Variants in RBFOX1 observed in about 807,000 individuals in gnomAD.
The protein encoded by RBFOX1 is RNA binding protein fox-1 homolog 1.
Under a neutral mutation model 57.7 loss-of-function variants are expected in RBFOX1, and 8 were observed. The ratio of observed to expected loss-of-function variants is 0.14; its 90% confidence interval spans 0.08 to 0.25. RBFOX1 has a LOEUF of 0.25. Among genes scored for constraint, RBFOX1 ranks in the 10% least tolerant of loss-of-function variants. RBFOX1 has a pLI of 1.00. For synonymous variants in RBFOX1, 326 were observed against 222.4 expected (o/e 1.47, Z -4.15); for missense variants, 611 against 548.5 (o/e 1.11, Z -1.14).
At chr16:7,565,004 A>G (rs12445659) in intron 5 of RBFOX1, among the ~76,000 whole-genome samples, 22,257 of 152,124 alleles carry the variant, frequency 0.15, 1,834 homozygotes, top group South Asian at 0.25. Flanking sequence ...CATTAACTAC[A>G]TCCAAAGCTG....
intron 4 of RBFOX1, among the ~76,000 whole-genome samples, chr16:7,178,301 G>A (rs182016407): frequency 5.3e-4 from 81 of 152,238 alleles, no homozygotes; most frequent in Non-Finnish European, 1.1e-3. Context: ...CTTGATTGAC[G>A]TCACTGAGAA....
Position 7,101,914 on chromosome 16 carries a change from C to T in RBFOX1, c.27+49816C>T, listed in dbSNP as rs183236046. 1.3e-4 allele frequency among the ~76,000 whole-genome samples: 20 copies of T among 152,164 alleles called. No individual in the cohort carries two copies. In the South Asian group the frequency reaches 2.1e-3, roughly 16 times the overall value. Reference sequence around the variant, plus strand: ...CCAAAGCATGGAGACCAGGTGTTTACGAGGATTGAAGCATAGTTGGTGCTC... The same window carrying T: ...CCAAAGCATGGAGACCAGGTGTTTATGAGGATTGAAGCATAGTTGGTGCTC... On this transcript the variant is annotated intron_variant, in intron 4 of 15. Coordinates refer to ENST00000550418, the MANE Select transcript of RBFOX1 (RefSeq NM_018723.4).
intron 3 of RBFOX1, among the ~76,000 whole-genome samples, chr16:6,978,355 A>T (rs971825876): frequency 1.5e-4 from 23 of 152,312 alleles, no homozygotes; most frequent in African/African-American, 5.3e-4. Context: ...TGGTCTTTAT[A>T]ATTAGATCTA....
At chr16:7,699,908 G>A (rs1369661232) in intron 14 of RBFOX1, among the ~76,000 whole-genome samples, 2 of 152,210 alleles carry the variant, frequency 1.3e-5, no homozygotes, top group East Asian at 3.9e-4. Flanking sequence ...TGGAGGTGGG[G>A]GATGTTCACC....
intron 3 of RBFOX1, among the ~76,000 whole-genome samples, chr16:7,037,718 A>G (rs778964751): frequency 6.6e-6 from 1 of 152,196 alleles, no homozygotes; most frequent in Non-Finnish European, 1.5e-5. Context: ...AGACCCAGGC[A>G]AGGAATTTGT....
At chr16:6,367,470 C>A (rs946786438) in intron 2 of RBFOX1, among the ~76,000 whole-genome samples, 1 of 152,056 alleles carries the variant, frequency 6.6e-6, no homozygotes, top group Non-Finnish European at 1.5e-5. Context: ...CAGGGTTTCA[C>A]TATATTGGTC....
chr16:6,722,122 T>C (rs2066128511), intron 3 of RBFOX1, among the ~76,000 whole-genome samples: 1 of 152,222 alleles, frequency 6.6e-6, no homozygotes, highest in African/African-American at 2.4e-5. Context: ...GTTGCACAGA[T>C]ATCTCTCTGG....
intron 4 of RBFOX1, among the ~76,000 whole-genome samples, chr16:7,454,707 C>G (rs1016245324): frequency 6.6e-6 from 1 of 152,186 alleles, no homozygotes; most frequent in South Asian, 2.1e-4. Context: ...GAGTTTTTAT[C>G]TAAGCCAAGA....
intron 2 of RBFOX1, among the ~76,000 whole-genome samples, chr16:6,482,342 A>T (rs2095383882): frequency 6.6e-6 from 1 of 152,224 alleles, no homozygotes; most frequent in African/African-American, 2.4e-5. Context: ...AAAAAGAACA[A>T]ATTAGTTTTT....
At chr16:7,358,087 A>C (rs1454792921) in intron 4 of RBFOX1, among the ~76,000 whole-genome samples, 1 of 152,248 alleles carries the variant, frequency 6.6e-6, no homozygotes, top group South Asian at 2.1e-4. Flanking sequence ...GATCTTCGAT[A>C]GGTAATTTAC....
chr16:6,300,498 A>AAAG (rs1462338899), intron 1 of RBFOX1, among the ~76,000 whole-genome samples: 1 of 152,180 alleles, frequency 6.6e-6, no homozygotes, highest in Non-Finnish European at 1.5e-5. Flanking sequence ...CCTACCTCAC[A>AAAG]AAGTTATTAG....
intron 4 of RBFOX1, among the ~76,000 whole-genome samples, chr16:7,434,398 G>A (rs2098705984): frequency 6.6e-6 from 1 of 152,090 alleles, no homozygotes; most frequent in Admixed American, 6.5e-5. Context: ...CATCAACCCG[G>A]GAGGCGGAGC....
chr16:7,256,991 C>T (rs1031275665), intron 4 of RBFOX1, among the ~76,000 whole-genome samples: 5 of 152,148 alleles, frequency 3.3e-5, no homozygotes, highest in African/African-American at 9.7e-5. Flanking sequence ...CTCTGTTACT[C>T]GTTCTGATCC....
intron 3 of RBFOX1, among the ~76,000 whole-genome samples, chr16:6,691,552 A>G (rs1292631508): frequency 1.3e-5 from 2 of 152,128 alleles, no homozygotes; most frequent in East Asian, 1.9e-4. Context: ...ATCACATTAC[A>G]CGCGTTATAT....
chr16:7,674,804 G>C (rs576373399), intron 13 of RBFOX1, among the ~76,000 whole-genome samples: 3 of 152,076 alleles, frequency 2.0e-5, no homozygotes, highest in African/African-American at 7.2e-5. Context: ...TGTTTGCACC[G>C]CAGCAATTCT....
intron 4 of RBFOX1, among the ~76,000 whole-genome samples, chr16:7,265,964 GTTTTT>G (rs1204871254): frequency 7.7e-4 from 54 of 70,258 alleles, no homozygotes; most frequent in Middle Eastern, 0.019. Context: ...GTGGGTTTTT[GTTTTT>G]TTTTTTTTTT....
chr16:6,335,206 G>A (rs1415221729), intron 2 of RBFOX1, among the ~76,000 whole-genome samples: 1 of 152,190 alleles, frequency 6.6e-6, no homozygotes, highest in Non-Finnish European at 1.5e-5. Flanking sequence ...TAAGGCAGAC[G>A]GGAAGATGGT....
In RBFOX1 at chr16:6,645,405, C is replaced by A. The variant is rs115356830; in HGVS notation, c.-63-9198C>A. Among the ~76,000 whole-genome samples the A allele has an allele frequency of 9.4e-3, 1,424 of 152,206 alleles. 28 individuals are homozygous for A. Among genetic ancestry groups the A allele is most frequent in the African/African-American group, 0.032 (1,315 of 41,530 alleles). ...GAGCTTCGTTGTCCGGTGTTTCTCT[C>A]CACATTTTCTCGGGAATCTTTAAGT... On this transcript the variant is annotated intron_variant, in intron 2 of 15. Transcript: ENST00000550418.
intron 4 of RBFOX1, chr16:5,867,393 T>A (rs2057368045): frequency 9.7e-7 from 1 of 1,025,844 alleles, no homozygotes; most frequent in Non-Finnish European, 1.2e-6. Flanking sequence ...GTTTCTTTTG[T>A]GATGGAGTGT....
Sources: gnomAD v4.1 joint callset for allele counts (sites outside exome capture counted in the v4.1 genomes callset) on GRCh38, gnomAD v4.1.1 for gene constraint, MANE v1.5 for transcripts, NCBI Gene and HGNC (gene_info 2026-07-23, HGNC 2026-07-21) for gene names.